The following MON2 variants were observed in gnomAD, a reference collection of about 807,000 sequenced individuals.
The protein encoded by MON2 is protein MON2 homolog.
A neutral mutation model predicts 208.6 loss-of-function variants in MON2; 84 were observed. The ratio of observed to expected loss-of-function variants is 0.40; its 90% CI spans 0.34 to 0.48. The LOEUF is 0.48. MON2 is among the 20% of genes least tolerant of loss of function. The pLI, the probability that MON2 is intolerant of heterozygous loss-of-function variation, is 0.59. For synonymous variants in MON2, 660 were observed against 694.0 expected (o/e 0.95, Z 0.77); for missense variants, 1,611 against 2,015.4 (o/e 0.80, Z 3.84).
intron 1 of MON2, among the ~76,000 whole-genome samples, chr12:62,473,431 T>A (rs1329769228): frequency 6.6e-6 from 1 of 152,240 alleles, no homozygotes; most frequent in Non-Finnish European, 1.5e-5. Context: ...TTGTTTTTGT[T>A]ATTGTTCCCA....
rs762833829 is a variant in MON2, at chr12:62,560,724, A to G, written c.3643A>G (p.Ile1215Val). The G allele has an allele frequency of 4.3e-6, 7 of 1,614,100 alleles. No individual in the cohort carries two copies. The highest frequency in any genetic ancestry group is 1.6e-4 in the Middle Eastern group (1 of 6,062). ...MSRPFVRTDS[I>V]GEKLGRYSSS... is the part of the protein sequence containing the mutation. ...CAGGCCATTTGTAAGAACAGATTCC[A>G]TTGGAGAAAAACTAGGAAGATATAG... Residue 1215 changes from isoleucine to valine, a missense_variant, in exon 26 of 35, where the codon ATT (isoleucine) becomes GTT (valine). Ile to Val is a conservative substitution (Grantham distance 29). Transcript: ENST00000393630.
At chr12:62,509,390 C>T (rs748999741) in intron 8 of MON2, among the ~76,000 whole-genome samples, 2 of 152,198 alleles carry the variant, frequency 1.3e-5, no homozygotes, top group African/African-American at 2.4e-5. Flanking sequence ...GCTGGGATTA[C>T]AGGCGTCAGC....
At chr12:62,546,787 A>G (rs2073506993) in intron 21 of MON2, 110 bp from the exon 22 acceptor site, 1 of 772,698 alleles carries the variant, frequency 1.3e-6, no homozygotes, top group East Asian at 2.9e-5. Context: ...AAAAATATCT[A>G]TTTCCCATAG....
rs1166761833 is a variant in MON2 at position 62,537,602 on chromosome 12, C to G, written c.2014C>G (p.Leu672Val). 6.3e-7 allele frequency: 1 copy of G among 1,597,560 alleles called. No individual in the cohort carries two copies. The highest frequency in any genetic ancestry group is 8.5e-7 in the Non-Finnish European group (1 of 1,171,592). ...LAVQPQGTVM[L>V]TSKNIQCMRT... ...AAAATGTATCCTTTTTAAAATATAGCTGACTTCCAAAAATATCCAGTGTAT... is the reference window on the plus strand; with the variant it reads ...AAAATGTATCCTTTTTAAAATATAGGTGACTTCCAAAAATATCCAGTGTAT... Residue 672 changes from leucine to valine, a missense_variant and splice_region_variant, in exon 16 of 35, where the codon CTG (leucine) becomes GTG (valine). Coordinates refer to ENST00000393630, the MANE Select transcript of MON2 (RefSeq NM_015026.3).
chr12:62,486,198 A>AT (rs1294333649), intron 2 of MON2, among the ~76,000 whole-genome samples: 1 of 151,820 alleles, frequency 6.6e-6, no homozygotes, highest in Non-Finnish European at 1.5e-5. Flanking sequence ...TAAGTCCTTA[A>AT]TTATTCTCCA....
chr12:62,583,722 G>A (rs1288163490), intron 32 of MON2, among the ~76,000 whole-genome samples: 1 of 151,812 alleles, frequency 6.6e-6, no homozygotes, highest in African/African-American at 2.4e-5. Flanking sequence ...GCTGAGATGG[G>A]TGGATCACTT....
chr12:62,508,772 T>C (rs1301766960), intron 8 of MON2: 1 of 283,356 alleles, frequency 3.5e-6, no homozygotes, highest in Non-Finnish European at 6.6e-6. Context: ...GTATCTCATT[T>C]GAAGGATTAT....
intron 2 of MON2, among the ~76,000 whole-genome samples, chr12:62,488,354 A>G (rs951661815): frequency 2.0e-5 from 3 of 152,162 alleles, no homozygotes; most frequent in East Asian, 1.9e-4. Flanking sequence ...CAAATAAAAT[A>G]TAAAAGTATC....
At chr12:62,518,597 C>T (rs1175370005) in intron 8 of MON2, among the ~76,000 whole-genome samples, 4 of 152,128 alleles carry the variant, frequency 2.6e-5, no homozygotes, top group Non-Finnish European at 5.9e-5. Flanking sequence ...TAACATTCTC[C>T]ATATTTTGAC....
In MON2 at chr12:62,538,403, T is replaced by C. The variant is rs369889787; in HGVS notation, c.2274-12T>C. 3.1e-6 allele frequency: 5 copies of C among 1,603,444 alleles called. No individual in the cohort carries two copies. Among genetic ancestry groups the C allele is most frequent in the South Asian group, 1.1e-5 (1 of 90,736 alleles). ...TAGATCAAGATGTCTTATTTCTTCATTTCCTTTTTAGGTATCTTGATGATG... is the reference window on the plus strand; with the variant it reads ...TAGATCAAGATGTCTTATTTCTTCACTTCCTTTTTAGGTATCTTGATGATG... On this transcript the variant is annotated splice_polypyrimidine_tract_variant and intron_variant, in intron 18 of 34. Transcript: ENST00000393630.
intron 32 of MON2, among the ~76,000 whole-genome samples, chr12:62,584,029 A>G (rs1364620596): frequency 6.6e-6 from 1 of 151,862 alleles, no homozygotes. Context: ...ATGCTAAAAG[A>G]CATTGAAGCA....
intron 30 of MON2, among the ~76,000 whole-genome samples, chr12:62,573,665 T>G (rs7132982): frequency 0.011 from 1,619 of 150,454 alleles, 8 homozygotes; most frequent in Non-Finnish European, 0.017. Flanking sequence ...AATTTGGAGG[T>G]TTTTTTTTGC....
At chr12:62,571,001 A>G (rs2074577668) in intron 29 of MON2, among the ~76,000 whole-genome samples, 1 of 152,010 alleles carries the variant, frequency 6.6e-6, no homozygotes, top group Non-Finnish European at 1.5e-5. Flanking sequence ...AAGTGCTGCG[A>G]TTACAGGCGT....
At chr12:62,591,430 A>G (rs968801963) in intron 34 of MON2, among the ~76,000 whole-genome samples, 9 of 152,332 alleles carry the variant, frequency 5.9e-5, no homozygotes, top group Admixed American at 2.6e-4. Context: ...TAAGGCATGA[A>G]CATTGATGAT....
chr12:62,579,065 A>T (rs138059830), intron 31 of MON2, among the ~76,000 whole-genome samples: 76 of 151,266 alleles, frequency 5.0e-4, no homozygotes, highest in African/African-American at 1.8e-3. Context: ...GCAAGACACC[A>T]TCTCTACAAA....
chr12:62,527,041 G>A (rs1281098805), intron 11 of MON2, among the ~76,000 whole-genome samples: 6 of 152,048 alleles, frequency 3.9e-5, no homozygotes, highest in Admixed American at 2.0e-4. Flanking sequence ...CAAGAGAATC[G>A]CTTGAACCTG....
chr12:62,585,492 C>T lies in MON2; in HGVS notation c.4898C>T (p.Pro1633Leu), dbSNP rs1361761668. Residue 1633 changes from proline to leucine, a missense_variant, in exon 33 of 35, where the codon CCT becomes CTT. By Grantham distance (98) the Pro-to-Leu change is moderately conservative. Transcript: ENST00000393630. ...IEDERLSGKC[P>L]LPRQQVTEII... is the part of the protein sequence containing the mutation. ...GATGAAAGATTAAGTGGTAAATGCC[C>T]TCTTCCAAGGTATATATTTCATTTT... 1.9e-6 allele frequency: 3 copies of T among 1,597,802 alleles called. No homozygotes were observed. The highest frequency in any genetic ancestry group is 2.6e-6 in the Non-Finnish European group (3 of 1,166,780).
chr12:62,526,193 G>C (rs755063983), intron 11 of MON2, 91 bp downstream of exon 11: 51 of 1,206,150 alleles, frequency 4.2e-5, no homozygotes, highest in Non-Finnish European at 6.0e-5. Context: ...TTAAATTTTA[G>C]ACCCACTACT....
At position 62,483,651 on chromosome 12, in the gene MON2, G is replaced by A. The variant is rs146017377; in HGVS notation, c.112-519G>A. Among the ~76,000 whole-genome samples, 654 of 152,320 alleles carry A rather than the reference G, an allele frequency of 4.3e-3. 6 individuals carry two copies. Among genetic ancestry groups the A allele is most frequent in the African/African-American group, 0.015 (608 of 41,570 alleles). On this transcript the variant is annotated intron_variant, in intron 1 of 34. Transcript: ENST00000393630. The stretch of plus-strand genomic sequence containing the variant: ...GAATGGCTTGAACCAGGGAGGCGGA[G>A]GTTGTAGTGAGCCAAGATCGTGCCA...
Sources: gnomAD v4.1 joint callset for allele counts (sites outside exome capture counted in the v4.1 genomes callset) on GRCh38, gnomAD v4.1.1 for gene constraint, MANE v1.5 for transcripts, NCBI Gene and HGNC (gene_info 2026-07-23, HGNC 2026-07-21) for gene names.